Variants in RBM25 observed in about 807,000 individuals in gnomAD.
RBM25 encodes the protein RNA binding motif protein 25.
A neutral mutation model predicts 120.7 loss-of-function variants in RBM25; 19 were observed. The observed-to-expected ratio is 0.16, with a 90% CI of 0.11 to 0.23. The LOEUF (loss-of-function observed/expected upper bound fraction) is 0.23, where lower values mean the gene tolerates loss of function less well. Ranked by LOEUF, RBM25 falls within the 10% of genes least tolerant of loss-of-function variation. The pLI, the probability that RBM25 is intolerant of heterozygous loss-of-function variation, is 1.00. For synonymous variants in RBM25, 390 were observed against 326.7 expected, an observed-to-expected ratio of 1.19 and a Z score of -2.09; for missense variants, 605 against 1,041.5, an observed-to-expected ratio of 0.58 and a Z score of 5.77.
chr14:73,097,191 CTTTTCTTTTTTTTT>C (rs1895960816), intron 7 of RBM25, 91 bp downstream of exon 7: 2 of 374,074 alleles, frequency 5.3e-6, no homozygotes, highest in South Asian at 1.1e-4. Flanking sequence ...TTTCTTTTTT[CTTTTCTTTTTTTTT>C]TTTTTTTTTT....
At position 73,105,848 on chromosome 14, in the gene RBM25, G is replaced by T; in HGVS notation, c.1155-11G>T. 8 of 1,604,200 alleles carry T rather than the reference G, an allele frequency of 5.0e-6. No homozygotes were observed. Among genetic ancestry groups the T allele is most frequent in the Non-Finnish European group, 6.8e-6 (8 of 1,176,772 alleles). On this transcript the variant is annotated splice_polypyrimidine_tract_variant and intron_variant, in intron 10 of 18. Coordinates refer to ENST00000261973, the MANE Select transcript of RBM25 (RefSeq NM_021239.3). ...GACTGACAGATTTGTAAAATATTTT[G>T]TTTACATTAGAGAAAAAAGCAGAGA...
intron 10 of RBM25, among the ~76,000 whole-genome samples, chr14:73,104,938 C>T (rs1335989626): frequency 6.6e-6 from 1 of 151,876 alleles, no homozygotes; most frequent in Non-Finnish European, 1.5e-5. Context: ...CTGTCCATTC[C>T]TGATACAGTC....
rs1166331113 is a variant in RBM25 at position 73,081,669 on chromosome 14, T to A, written c.325-1825T>A. On this transcript the variant is annotated intron_variant, in intron 4 of 18. Transcript: ENST00000261973. ...ATGGGTATGTGGTTGGTAACTTTTC[T>A]GAATCTAAATCTGAAGTGCTTTTTA... is the stretch of plus-strand genomic sequence containing the variant. 2.6e-5 allele frequency among the ~76,000 whole-genome samples: 4 copies of A among 152,358 alleles called. No individual in the cohort carries two copies. The East Asian group carries it at 7.7e-4, about 29-fold the overall frequency.
chr14:73,072,726 G>A (rs1032469198), intron 2 of RBM25, among the ~76,000 whole-genome samples: 2 of 152,258 alleles, frequency 1.3e-5, no homozygotes, highest in Admixed American at 1.3e-4. Context: ...GAGGTGGGAG[G>A]ATGGCCTGAG....
intron 3 of RBM25, 118 bp downstream of exon 3, chr14:73,076,486 A>C: frequency 1.1e-6 from 1 of 881,544 alleles, no homozygotes; most frequent in South Asian, 1.5e-5. Flanking sequence ...GGACAGAATG[A>C]CAGCACCCCT....
chr14:73,067,801 C>T lies in RBM25; in HGVS notation c.-15-3826C>T, dbSNP rs375910983. On this transcript the variant is annotated intron_variant, in intron 1 of 18. Coordinates refer to ENST00000261973, the MANE Select transcript of RBM25 (RefSeq NM_021239.3). ...TTTTTTTTTGTATTTTTAGTAGAGA[C>T]GGGGTTTCACCGTGGTCTCGATGTC... 3.9e-3 allele frequency among the ~76,000 whole-genome samples: 591 copies of T among 151,034 alleles called. 4 individuals are homozygous for T. Among genetic ancestry groups the T allele is most frequent in the African/African-American group, 0.013 (549 of 41,084 alleles).
intron 12 of RBM25, among the ~76,000 whole-genome samples, chr14:73,106,526 A>G (rs1466445044): frequency 1.3e-5 from 2 of 152,176 alleles, no homozygotes; most frequent in Admixed American, 1.3e-4. Context: ...AATTTGTCAT[A>G]TAGTAATATT....
At chr14:73,084,841 C>T (rs1895647213) in intron 5 of RBM25, among the ~76,000 whole-genome samples, 1 of 151,326 alleles carries the variant, frequency 6.6e-6, no homozygotes. Context: ...CGAGCCACTG[C>T]TCCTGGCCGC....
chr14:73,097,408 C>T (rs981690613), intron 7 of RBM25, among the ~76,000 whole-genome samples: 3 of 151,894 alleles, frequency 2.0e-5, no homozygotes, highest in African/African-American at 7.3e-5. Flanking sequence ...ACCGTGTTAG[C>T]CAGGATGGTC....
chr14:73,101,421 A>C (rs905038123), intron 9 of RBM25: 1 of 151,994 alleles, frequency 6.6e-6, no homozygotes, highest in Non-Finnish European at 1.5e-5. Context: ...TTTCTTACAT[A>C]ATTTTAGACT....
At chr14:73,115,784 T>C (rs1401041703) in intron 18 of RBM25, among the ~76,000 whole-genome samples, 1 of 152,292 alleles carries the variant, frequency 6.6e-6, no homozygotes, top group East Asian at 1.9e-4. Context: ...TAAGGACTAG[T>C]GGTTCCAGTG....
At chr14:73,078,273 A>T (rs186325532) in intron 4 of RBM25, among the ~76,000 whole-genome samples, 1 of 152,176 alleles carries the variant, frequency 6.6e-6, no homozygotes, top group East Asian at 1.9e-4. Flanking sequence ...ACTGCACTCC[A>T]CCCTGGGCGA....
chr14:73,105,334 A>C (rs115664961), intron 10 of RBM25, among the ~76,000 whole-genome samples: 17 of 152,162 alleles, frequency 1.1e-4, no homozygotes, highest in African/African-American at 3.9e-4. Context: ...TATCACTCTT[A>C]ATTAAATATT....
chr14:73,088,717 C>T (rs550552793), intron 6 of RBM25, among the ~76,000 whole-genome samples: 1 of 152,210 alleles, frequency 6.6e-6, no homozygotes, highest in Non-Finnish European at 1.5e-5. Context: ...TCCTTCATTT[C>T]TCTTCTTAGT....
chr14:73,103,938 TCTCTCTCTCTCACACACACA>T (rs1461720457), intron 10 of RBM25, among the ~76,000 whole-genome samples: 1,160 of 52,720 alleles, frequency 0.022, 7 homozygotes, highest in South Asian at 0.053. Context: ...TCTCTCTCTC[TCTCTCTCTCTCACACACACA>T]CACACACACA....
chr14:73,107,322 A>T, intron 12 of RBM25: 1 of 153,772 alleles, frequency 6.5e-6, no homozygotes, highest in Non-Finnish European at 1.4e-5. Context: ...GTCTAATGTG[A>T]CCTATACTTA....
Position 73,122,011 on chromosome 14 carries a change from C to T in RBM25, c.*2206C>T, listed in dbSNP as rs994479503. 3.3e-5 allele frequency: 5 copies of T among 152,060 alleles called. No individual in the cohort carries two copies. Among genetic ancestry groups the T allele is most frequent in the African/African-American group, 1.2e-4 (5 of 41,418 alleles). 9.4% of individuals were successfully genotyped at this position (152,060 alleles called of 1,614,324 possible). A position where few individuals can be genotyped will look rare whatever the true frequency, so the allele number is the denominator to read the frequency against. Reference sequence around the variant, plus strand: ...TGCCAGTTTAAATCATGTTTTGTAACCAAGCTTCAGTAAAAGGCTTTAGAT... The same window carrying T: ...TGCCAGTTTAAATCATGTTTTGTAATCAAGCTTCAGTAAAAGGCTTTAGAT... On this transcript the variant is annotated 3_prime_UTR_variant, in exon 19 of 19. Coordinates refer to ENST00000261973, the MANE Select transcript of RBM25 (RefSeq NM_021239.3).
intron 5 of RBM25, among the ~76,000 whole-genome samples, chr14:73,087,559 C>T (rs1895716985): frequency 6.6e-6 from 1 of 152,132 alleles, no homozygotes; most frequent in African/African-American, 2.4e-5. Context: ...CCGCGCCCGG[C>T]TAATTTTTTG....
At chr14:73,114,831 G>A (rs772551467) in intron 18 of RBM25, among the ~76,000 whole-genome samples, 30 of 152,170 alleles carry the variant, frequency 2.0e-4, no homozygotes, top group Non-Finnish European at 3.8e-4. Flanking sequence ...TGAGGTGGAG[G>A]TTGCAGTGAG....
Sources: allele counts gnomAD v4.1 joint callset (sites outside exome capture counted in the v4.1 genomes callset), GRCh38; gene constraint gnomAD v4.1.1; transcripts MANE v1.5; gene names NCBI Gene and HGNC (gene_info 2026-07-23, HGNC 2026-07-21).